The following ADGRB3 variants were observed in gnomAD, a reference collection of about 807,000 sequenced individuals.
The protein encoded by ADGRB3 is adhesion G protein-coupled receptor B3.
ADGRB3 carries 37 observed loss-of-function variants against 193.4 expected under a neutral mutation model. That is an observed-to-expected ratio of 0.19 (90% CI 0.15 to 0.25). The LOEUF is 0.25. ADGRB3 is among the 10% of genes least tolerant of loss of function. ADGRB3 has a pLI of 1.00. For missense variants in ADGRB3, 1,637 were observed against 1,852.9 expected, an observed-to-expected ratio of 0.88 and a Z score of 2.14; for synonymous variants, 690 against 644.2, an observed-to-expected ratio of 1.07 and a Z score of -1.08.
intron 10 of ADGRB3, among the ~76,000 whole-genome samples, chr6:68,987,421 G>C (rs1464482035): frequency 6.6e-6 from 1 of 152,068 alleles, no homozygotes; most frequent in Non-Finnish European, 1.5e-5. Flanking sequence ...CAAGAGTCCG[G>C]TAAGTTGTTT....
At chr6:68,859,219 T>A (rs1765081359) in intron 3 of ADGRB3, among the ~76,000 whole-genome samples, 1 of 152,142 alleles carries the variant, frequency 6.6e-6, no homozygotes, top group African/African-American at 2.4e-5. Context: ...AAATTCCCCA[T>A]CTCCATCTGA....
intron 3 of ADGRB3, among the ~76,000 whole-genome samples, chr6:68,760,256 T>TACACATAC (rs1207412706): frequency 1.4e-4 from 21 of 152,234 alleles, no homozygotes; most frequent in Non-Finnish European, 2.4e-4. Flanking sequence ...GACAAACACA[T>TACACATAC]ACACATACAC....
intron 17 of ADGRB3, among the ~76,000 whole-genome samples, chr6:69,196,790 GTTCA>G (rs1182579656): frequency 3.3e-5 from 5 of 152,012 alleles, no homozygotes; most frequent in Non-Finnish European, 5.9e-5. Flanking sequence ...GGTCTCTATT[GTTCA>G]TTCGTTTTGC....
chr6:69,013,160 G>A (rs997839302), intron 11 of ADGRB3, among the ~76,000 whole-genome samples: 39 of 152,062 alleles, frequency 2.6e-4, no homozygotes, highest in African/African-American at 9.2e-4. Context: ...TAGTGTGAAG[G>A]GAAAGAAAAG....
chr6:69,182,376 A>C (rs1208830733), intron 17 of ADGRB3, among the ~76,000 whole-genome samples: 1 of 151,200 alleles, frequency 6.6e-6, no homozygotes, highest in African/African-American at 2.4e-5. Context: ...GAAGTAAAAA[A>C]ATGAAATAAA....
At chr6:69,301,248 T>A (rs1342438668) in intron 20 of ADGRB3, among the ~76,000 whole-genome samples, 1 of 151,840 alleles carries the variant, frequency 6.6e-6, no homozygotes, top group Non-Finnish European at 1.5e-5. Context: ...ATACAATTTT[T>A]AAATTTATCA....
chr6:69,383,103 T>C (rs1456199017), intron 31 of ADGRB3, among the ~76,000 whole-genome samples, 168 bp downstream of exon 31: 2 of 151,992 alleles, frequency 1.3e-5, no homozygotes, highest in African/African-American at 4.8e-5. Context: ...AAATTAGGAA[T>C]GACAGAATCT....
intron 3 of ADGRB3, among the ~76,000 whole-genome samples, chr6:68,717,381 T>C (rs2127320684): frequency 6.6e-6 from 1 of 151,820 alleles, no homozygotes; most frequent in African/African-American, 2.4e-5. Flanking sequence ...AACGATATGT[T>C]TTAGAATGTT....
intron 13 of ADGRB3, among the ~76,000 whole-genome samples, chr6:69,036,622 A>G (rs778576985): frequency 1.3e-5 from 2 of 152,178 alleles, no homozygotes; most frequent in Non-Finnish European, 2.9e-5. Flanking sequence ...GGGCTTGGAT[A>G]TCTTTATATG....
intron 17 of ADGRB3, among the ~76,000 whole-genome samples, chr6:69,194,161 T>C (rs1369948745): frequency 6.6e-6 from 1 of 152,114 alleles, no homozygotes; most frequent in Non-Finnish European, 1.5e-5. Flanking sequence ...AAATTAATTT[T>C]AATTTTTTTA....
At chr6:68,977,812 T>A (rs1165604771) in intron 10 of ADGRB3, among the ~76,000 whole-genome samples, 1 of 143,906 alleles carries the variant, frequency 6.9e-6, no homozygotes, top group Non-Finnish European at 1.6e-5. Flanking sequence ...ATGCCGCAGT[T>A]TACATAAAAA....
At chr6:68,721,943 A>G (rs1765590565) in intron 3 of ADGRB3, among the ~76,000 whole-genome samples, 1 of 151,504 alleles carries the variant, frequency 6.6e-6, no homozygotes, top group Non-Finnish European at 1.5e-5. Context: ...CAACTACACA[A>G]TAAGTTTTCA....
rs1303716737 is a variant in ADGRB3 at position 69,380,752 on chromosome 6, A to G, written c.4276-2079A>G. On this transcript the variant is annotated intron_variant, in intron 30 of 31. Coordinates refer to ENST00000370598, the MANE Select transcript of ADGRB3 (RefSeq NM_001704.3). ...TTATCACGCTTACAGTTTTACATTT[A>G]TTTGAATTATTATGGCTGTGTCCTC... Among the ~76,000 whole-genome samples the G allele has an allele frequency of 2.6e-5, 4 of 151,914 alleles. No homozygotes were observed. The East Asian group carries it at 7.8e-4, about 30-fold the overall frequency.
chr6:69,251,759 C>T (rs886827809), intron 20 of ADGRB3, among the ~76,000 whole-genome samples: 1 of 152,132 alleles, frequency 6.6e-6, no homozygotes, highest in Admixed American at 6.5e-5. Flanking sequence ...CCTGACATAG[C>T]TACCCTTTTT....
intron 3 of ADGRB3, among the ~76,000 whole-genome samples, chr6:68,721,371 C>T (rs1765574146): frequency 6.6e-6 from 1 of 150,406 alleles, no homozygotes; most frequent in Non-Finnish European, 1.5e-5. Flanking sequence ...CAAACTATCA[C>T]AAGGACAAAA....
Position 69,122,606 on chromosome 6 carries a change from T to C in ADGRB3, c.2480+46568T>C, listed in dbSNP as rs191320376. Reference sequence around the variant, plus strand: ...GTAGGGATGGGATCTCTGAGTTTTATAGAAGTCTGCAGATAAGTTAAAAAT... The same window carrying C: ...GTAGGGATGGGATCTCTGAGTTTTACAGAAGTCTGCAGATAAGTTAAAAAT... On this transcript the variant is annotated intron_variant, in intron 17 of 31. Transcript: ENST00000370598. 2.0e-4 allele frequency among the ~76,000 whole-genome samples: 30 copies of C among 152,046 alleles called. No homozygotes were observed. The East Asian group carries it at 3.5e-3, about 18-fold the overall frequency.
At chr6:68,936,970 A>G (rs1767502893) in intron 5 of ADGRB3, among the ~76,000 whole-genome samples, 1 of 152,154 alleles carries the variant, frequency 6.6e-6, no homozygotes, top group Admixed American at 6.5e-5. Context: ...TGTGTTTTAG[A>G]TGGTGAAAAT....
intron 3 of ADGRB3, among the ~76,000 whole-genome samples, chr6:68,908,707 CTTG>C (rs987190633): frequency 6.6e-6 from 1 of 152,088 alleles, no homozygotes; most frequent in Non-Finnish European, 1.5e-5. Context: ...AAACAAAGCC[CTTG>C]TTGTGACTTC....
intron 3 of ADGRB3, among the ~76,000 whole-genome samples, chr6:68,684,778 A>G (rs925105353): frequency 5.9e-5 from 9 of 152,156 alleles, no homozygotes; most frequent in African/African-American, 2.2e-4. Flanking sequence ...GCCATATATC[A>G]TAAATTCATC....
Sources: gnomAD v4.1 joint callset for allele counts (sites outside exome capture counted in the v4.1 genomes callset) on GRCh38, gnomAD v4.1.1 for gene constraint, MANE v1.5 for transcripts, NCBI Gene and HGNC (gene_info 2026-07-23, HGNC 2026-07-21) for gene names.